The following NTM variants were observed in gnomAD, a reference collection of about 807,000 sequenced individuals.
NTM encodes IgLON family member 2.
A neutral mutation model predicts 42.1 loss-of-function variants in NTM; 13 were observed. The ratio of observed to expected loss-of-function variants is 0.31; its 90% CI spans 0.20 to 0.49. NTM has a LOEUF of 0.49. Ranked by LOEUF, NTM falls within the 20% of genes least tolerant of loss-of-function variation. The pLI, the probability that NTM is intolerant of heterozygous loss-of-function variation, is 0.99. For synonymous variants in NTM, 187 were observed against 179.2 expected (o/e 1.04, Z -0.35); for missense variants, 373 against 452.8 (o/e 0.82, Z 1.60).
chr11:131,870,588 A>G (rs1391175433), intron 1 of NTM, among the ~76,000 whole-genome samples: 1 of 152,140 alleles, frequency 6.6e-6, no homozygotes, highest in African/African-American at 2.4e-5. Context: ...AGCTCTGAGC[A>G]GCTTCTCTCA....
At position 132,335,087 on chromosome 11, in the gene NTM, A is replaced by T. The variant is rs1158333947; in HGVS notation, c.1009A>T (p.Arg337Trp). The T allele has an allele frequency of 6.2e-7, 1 of 1,612,700 alleles. No homozygotes were observed. The highest frequency in any genetic ancestry group is 2.2e-5 in the East Asian group (1 of 44,828). Residue 337 changes from arginine (R) to tryptophan (W), a missense_variant, in exon 9 of 9, where the codon AGG becomes TGG. Physicochemically the swap from Arg to Trp is moderately radical, Grantham distance 101. This residue lies in a region of NTM where 312 missense variants were observed against 353.5 expected (regional missense o/e 0.88). Coordinates refer to ENST00000683400, the MANE Select transcript of NTM (RefSeq NM_001352005.2). Reference sequence around the variant, plus strand: ...CGAGGTGAGCAACGGCACGTCGAGGAGGGCAGGCTGCGTCTGGCTGCTGCC... The same window carrying T: ...CGAGGTGAGCAACGGCACGTCGAGGTGGGCAGGCTGCGTCTGGCTGCTGCC... ...VSEVSNGTSR[R>W]AGCVWLLPLL...
At chr11:131,867,832 C>T (rs909728372) in intron 1 of NTM, among the ~76,000 whole-genome samples, 2 of 152,230 alleles carry the variant, frequency 1.3e-5, no homozygotes, top group African/African-American at 4.8e-5. Flanking sequence ...TACACACAAG[C>T]ACAGGCCACG....
At chr11:132,312,036 T>C (rs959416648) in intron 6 of NTM, among the ~76,000 whole-genome samples, 1 of 152,180 alleles carries the variant, frequency 6.6e-6, no homozygotes, top group African/African-American at 2.4e-5. Flanking sequence ...AGTGGTTTAG[T>C]CAGTTTTCCC....
At chr11:132,329,944 G>T (rs1169202746) in intron 7 of NTM, among the ~76,000 whole-genome samples, 1 of 152,190 alleles carries the variant, frequency 6.6e-6, no homozygotes, top group African/African-American at 2.4e-5. Context: ...ACCTCTTGAG[G>T]CAACTGGCTG....
At chr11:131,383,412 G>A (rs1432781033) in intron 1 of NTM, among the ~76,000 whole-genome samples, 1 of 152,164 alleles carries the variant, frequency 6.6e-6, no homozygotes, top group African/African-American at 2.4e-5. Flanking sequence ...AGACTTTTCA[G>A]GACAGGAAAG....
intron 1 of NTM, among the ~76,000 whole-genome samples, chr11:131,874,037 A>T (rs1416789159): frequency 1.0e-4 from 1 of 9,788 alleles, no homozygotes; most frequent in African/African-American, 9.7e-4. Flanking sequence ...TATAATATAT[A>T]TATATATATA....
chr11:132,090,834 G>A (rs948105721), intron 2 of NTM, among the ~76,000 whole-genome samples: 3 of 152,100 alleles, frequency 2.0e-5, no homozygotes, highest in Admixed American at 1.3e-4. Context: ...CACATCTTAA[G>A]AGTTTACACT....
At chr11:131,448,154 G>A (rs2136023481) in intron 1 of NTM, among the ~76,000 whole-genome samples, 1 of 152,332 alleles carries the variant, frequency 6.6e-6, no homozygotes, top group East Asian at 1.9e-4. Context: ...TGAGGAGGCT[G>A]GGCTACACGA....
intron 2 of NTM, among the ~76,000 whole-genome samples, chr11:132,043,747 C>A (rs1476957493): frequency 6.6e-6 from 1 of 152,144 alleles, no homozygotes; most frequent in Non-Finnish European, 1.5e-5. Flanking sequence ...TGGGGACTTA[C>A]CATTGTCGAG....
intron 1 of NTM, among the ~76,000 whole-genome samples, chr11:131,525,313 A>G (rs921947875): frequency 2.0e-5 from 3 of 152,170 alleles, no homozygotes; most frequent in Non-Finnish European, 4.4e-5. Flanking sequence ...AATGCTTATA[A>G]TGCGCCGGAA....
intron 4 of NTM, among the ~76,000 whole-genome samples, chr11:132,224,896 G>A (rs962875996): frequency 1.3e-5 from 2 of 152,182 alleles, no homozygotes; most frequent in Admixed American, 6.5e-5. Flanking sequence ...TTGCCTATTC[G>A]GGAGAACTAG....
At chr11:132,013,804 G>A (rs568108670) in intron 2 of NTM, among the ~76,000 whole-genome samples, 10 of 152,110 alleles carry the variant, frequency 6.6e-5, no homozygotes, top group East Asian at 3.9e-4. Flanking sequence ...ATTTTGTTAC[G>A]TGTATAGAAT....
intron 4 of NTM, among the ~76,000 whole-genome samples, chr11:132,260,562 T>C (rs961263283): frequency 2.0e-5 from 3 of 152,232 alleles, no homozygotes; most frequent in African/African-American, 7.2e-5. Flanking sequence ...AAAAAATTAT[T>C]AATATGGCAC....
chr11:131,414,487 C>A (rs923936361), intron 1 of NTM, among the ~76,000 whole-genome samples: 1 of 152,176 alleles, frequency 6.6e-6, no homozygotes, highest in African/African-American at 2.4e-5. Context: ...GGCAGCAGGT[C>A]CGGGACTGCC....
intron 2 of NTM, among the ~76,000 whole-genome samples, chr11:132,085,182 C>A (rs2059550295): frequency 1.3e-5 from 2 of 152,034 alleles, no homozygotes; most frequent in Admixed American, 6.6e-5. Flanking sequence ...ATTTTCATGC[C>A]TTCTTATAAT....
At chr11:131,864,322 C>T (rs946996712) in intron 1 of NTM, among the ~76,000 whole-genome samples, 2 of 151,752 alleles carry the variant, frequency 1.3e-5, no homozygotes, top group Non-Finnish European at 2.9e-5. Context: ...TGGTCAGTCC[C>T]TGGAGCTTGT....
Position 131,439,639 on chromosome 11 carries a change from T to C in NTM, c.82+68751T>C, listed in dbSNP as rs549760310. Reference sequence around the variant, plus strand: ...TCATGCACGGGATATAATCTCCTGGTGTGCTGTTTGCTAAGACCATTGGAA... The same window carrying C: ...TCATGCACGGGATATAATCTCCTGGCGTGCTGTTTGCTAAGACCATTGGAA... On this transcript the variant is annotated intron_variant, in intron 1 of 8. Coordinates refer to ENST00000683400, the MANE Select transcript of NTM (RefSeq NM_001352005.2). Among the ~76,000 whole-genome samples the C allele has an allele frequency of 1.3e-3, 203 of 152,358 alleles. 1 individual carries two copies. The highest frequency in any genetic ancestry group is 4.8e-3 in the African/African-American group (199 of 41,590).
chr11:131,905,353 C>A (rs899705022), intron 1 of NTM, among the ~76,000 whole-genome samples: 2 of 152,192 alleles, frequency 1.3e-5, no homozygotes, highest in African/African-American at 4.8e-5. Context: ...ATGTCGATGG[C>A]ATTAGAGGTT....
chr11:132,021,905 A>G (rs1325850067), intron 2 of NTM, among the ~76,000 whole-genome samples: 1 of 152,166 alleles, frequency 6.6e-6, no homozygotes, highest in African/African-American at 2.4e-5. Context: ...TTCAGTGTCA[A>G]CTAAGAATAT....
Sources: gnomAD v4.1 joint callset for allele counts (sites outside exome capture counted in the v4.1 genomes callset) on GRCh38, gnomAD v4.1.1 for gene constraint, gnomAD v4.1.1 regional missense constraint, MANE v1.5 for transcripts, NCBI Gene and HGNC (gene_info 2026-07-23, HGNC 2026-07-21) for gene names.